Variants in CCDC171 observed in about 807,000 individuals in gnomAD.
CCDC171 encodes the protein coiled-coil domain containing 171.
Under a neutral mutation model 168.2 loss-of-function variants are expected in CCDC171, and 177 were observed. The ratio of observed to expected loss-of-function variants is 1.05; its 90% CI spans 0.93 to 1.19. The LOEUF (loss-of-function observed/expected upper bound fraction) is 1.19, where lower values mean the gene tolerates loss of function less well. Ranked by LOEUF, CCDC171 falls within the 50% of genes most tolerant of loss-of-function variation. The pLI is 0.00. For synonymous variants in CCDC171, 687 were observed against 540.8 expected, an observed-to-expected ratio of 1.27 and a Z score of -3.75; for missense variants, 1,991 against 1,539.0, an observed-to-expected ratio of 1.29 and a Z score of -4.91.
intron 7 of CCDC171, among the ~76,000 whole-genome samples, chr9:15,630,353 A>T (rs1450703066): frequency 2.0e-5 from 3 of 152,156 alleles, no homozygotes; most frequent in Non-Finnish European, 2.9e-5. Flanking sequence ...AATGGAAAAT[A>T]AAAAAAGGCA....
At chr9:15,767,160 T>TA (rs2135200835) in intron 18 of CCDC171, among the ~76,000 whole-genome samples, 1 of 152,328 alleles carries the variant, frequency 6.6e-6, no homozygotes, top group South Asian at 2.1e-4. Flanking sequence ...AATCTGTGGC[T>TA]AAAGACCACA....
chr9:16,065,809 G>GGTGTGCATGGTGT (rs373145926), downstream of CCDC171, among the ~76,000 whole-genome samples: 476 of 144,326 alleles, frequency 3.3e-3, no homozygotes, highest in African/African-American at 0.011. Flanking sequence ...TTGTGTGCAT[G>GGTGTGCATGGTGT]GTGTGTGTGT....
chr9:15,667,415 G>A (rs148306604), intron 9 of CCDC171, among the ~76,000 whole-genome samples: 268 of 152,258 alleles, frequency 1.8e-3, no homozygotes, highest in Admixed American at 2.7e-3. Context: ...GGAGGCTGAC[G>A]CGGGTAGATC....
At chr9:15,652,990 G>A (rs2047643233) in intron 7 of CCDC171, among the ~76,000 whole-genome samples, 1 of 152,108 alleles carries the variant, frequency 6.6e-6, no homozygotes, top group South Asian at 2.1e-4. Flanking sequence ...GTGACTATGT[G>A]GGGAATATTT....
intron 25 of CCDC171, among the ~76,000 whole-genome samples, chr9:15,944,463 C>T (rs1405625828): frequency 6.6e-6 from 1 of 151,988 alleles, no homozygotes; most frequent in African/African-American, 2.4e-5. Flanking sequence ...CTAATACTTT[C>T]CATGTGTGAG....
chr9:15,689,133 A>G (rs2050611489), intron 10 of CCDC171, among the ~76,000 whole-genome samples: 1 of 152,226 alleles, frequency 6.6e-6, no homozygotes. Flanking sequence ...TAAAGAATAT[A>G]ATACTTAGGA....
At chr9:15,808,380 G>T (rs2082129188) in intron 21 of CCDC171, among the ~76,000 whole-genome samples, 1 of 152,154 alleles carries the variant, frequency 6.6e-6, no homozygotes, top group African/African-American at 2.4e-5. Flanking sequence ...GTTTTTCAAG[G>T]ATTGGGATTT....
intron 6 of CCDC171, among the ~76,000 whole-genome samples, chr9:15,600,732 A>G (rs939581087): frequency 2.1e-4 from 32 of 152,316 alleles, no homozygotes; most frequent in African/African-American, 7.5e-4. Context: ...CTGCCCCCAG[A>G]GGTGGAGTCT....
At chr9:15,620,247 G>C (rs887237319) in intron 6 of CCDC171, among the ~76,000 whole-genome samples, 4 of 152,140 alleles carry the variant, frequency 2.6e-5, no homozygotes, top group African/African-American at 7.2e-5. Flanking sequence ...TGACTCCTTT[G>C]ATGGATCTAG....
At chr9:16,074,296 GAT>G in the CCDC171 span, among the ~76,000 whole-genome samples, 2 of 152,064 alleles carry the variant, frequency 1.3e-5, no homozygotes, top group African/African-American at 4.8e-5. Context: ...TGTCTTGCTG[GAT>G]ATATGTCTTG....
intron 9 of CCDC171, among the ~76,000 whole-genome samples, chr9:15,673,396 A>AG (rs1258872344): frequency 1.3e-5 from 2 of 148,914 alleles, no homozygotes; most frequent in African/African-American, 4.9e-5. Flanking sequence ...ATGTTGAATT[A>AG]AGTGAGAGAG....
chr9:15,985,751 C>T (rs774997499), intron 3 of CCDC171, among the ~76,000 whole-genome samples: 1 of 152,122 alleles, frequency 6.6e-6, no homozygotes, highest in Admixed American at 6.6e-5. Context: ...TTCTGATCTT[C>T]CCATGAGAGG....
downstream of CCDC171, among the ~76,000 whole-genome samples, chr9:15,975,017 C>T (rs1162525481): frequency 6.6e-6 from 1 of 152,124 alleles, no homozygotes; most frequent in African/African-American, 2.4e-5. Context: ...GATCCTCCCA[C>T]CTCAGCCTCC....
chr9:16,029,086 C>T (rs1833324797), intron 6 of CCDC171, among the ~76,000 whole-genome samples: 1 of 152,004 alleles, frequency 6.6e-6, no homozygotes, highest in African/African-American at 2.4e-5. Context: ...ACGGCAGGCG[C>T]TGGGTCGAGA....
chr9:15,553,510 A>AC, intron 1 of CCDC171: 1 of 152,524 alleles, frequency 6.6e-6, no homozygotes, highest in Non-Finnish European at 1.5e-5. Context: ...CTGAGGCTGT[A>AC]CCAGAGCGCC....
chr9:15,770,945 G>T (rs1283156632), intron 18 of CCDC171, among the ~76,000 whole-genome samples: 1 of 151,612 alleles, frequency 6.6e-6, no homozygotes. Context: ...TTTACATGAG[G>T]GAATCATATA....
intron 1 of CCDC171, among the ~76,000 whole-genome samples, chr9:16,045,203 C>T (rs1417254997): frequency 6.6e-6 from 1 of 152,106 alleles, no homozygotes; most frequent in Non-Finnish European, 1.5e-5. Flanking sequence ...GATTTGAGTG[C>T]AGTGGCGCAA....
chr9:15,804,824 G>C (rs1247793370), intron 21 of CCDC171, among the ~76,000 whole-genome samples: 1 of 152,114 alleles, frequency 6.6e-6, no homozygotes, highest in African/African-American at 2.4e-5. Flanking sequence ...GTTTCAGTGG[G>C]AATGGTACTG....
At chr9:15,578,224 G>A (rs933623258) in intron 3 of CCDC171, among the ~76,000 whole-genome samples, 9 of 150,726 alleles carry the variant, frequency 6.0e-5, no homozygotes, top group African/African-American at 2.2e-4. Context: ...TTTTAGGTAT[G>A]AATATTTTCT....
Sources: gnomAD v4.1 joint callset for allele counts (sites outside exome capture counted in the v4.1 genomes callset) on GRCh38, gnomAD v4.1.1 for gene constraint, MANE v1.5 for transcripts, NCBI Gene and HGNC (gene_info 2026-07-23, HGNC 2026-07-21) for gene names.